The following FRMD3 variants were observed in gnomAD, a reference collection of about 807,000 sequenced individuals.
FRMD3 encodes the protein FERM domain-containing protein 3.
Under a neutral mutation model 70.2 loss-of-function variants are expected in FRMD3, and 33 were observed. The observed-to-expected ratio is 0.47, with a 90% CI of 0.36 to 0.63. The LOEUF is 0.63. Ranked by LOEUF, FRMD3 falls within the 20% of genes least tolerant of loss-of-function variation. The probability of loss-of-function intolerance (pLI) is 0.00; values close to 1 mark genes in which losing one functional copy is unlikely to be tolerated. For missense variants in FRMD3, 632 were observed against 711.4 expected, an observed-to-expected ratio of 0.89 and a Z score of 1.27; for synonymous variants, 279 against 255.9, an observed-to-expected ratio of 1.09 and a Z score of -0.86.
chr9:83,465,383 A>G (rs941343321), intron 1 of FRMD3, among the ~76,000 whole-genome samples: 6 of 152,242 alleles, frequency 3.9e-5, no homozygotes, highest in Non-Finnish European at 7.4e-5. Context: ...TGAGCCCAGG[A>G]GTTTGAGACC....
chr9:83,574,924 T>C, the FRMD3 span, among the ~76,000 whole-genome samples: 3 of 152,184 alleles, frequency 2.0e-5, no homozygotes, highest in East Asian at 5.8e-4. Flanking sequence ...TGTGATTTTC[T>C]AGCCCAGTCT....
At chr9:83,380,537 C>T (rs1302935208) in intron 2 of FRMD3, among the ~76,000 whole-genome samples, 1 of 152,090 alleles carries the variant, frequency 6.6e-6, no homozygotes, top group Admixed American at 6.5e-5. Flanking sequence ...CCTTATCATA[C>T]AAATGGTGCA....
intron 12 of FRMD3, among the ~76,000 whole-genome samples, chr9:83,292,199 C>G (rs1029156714): frequency 6.7e-6 from 1 of 148,764 alleles, no homozygotes; most frequent in South Asian, 2.1e-4. Context: ...CGCTCTGTCA[C>G]CTAGGCTGGA....
chr9:83,438,775 C>T (rs1346468363), intron 1 of FRMD3, among the ~76,000 whole-genome samples: 5 of 152,200 alleles, frequency 3.3e-5, no homozygotes, highest in African/African-American at 1.2e-4. Context: ...GCCAAACAAC[C>T]TCGCTGGGTG....
intron 13 of FRMD3, 60 bp from the exon 14 acceptor site, chr9:83,248,576 C>G (rs1474581945): frequency 3.3e-6 from 5 of 1,492,588 alleles, no homozygotes; most frequent in Admixed American, 4.6e-5. Context: ...CAAAAATCTG[C>G]AGGAAGAAAC....
intron 6 of FRMD3, among the ~76,000 whole-genome samples, chr9:83,333,333 T>A (rs904725091): frequency 3.9e-5 from 6 of 152,176 alleles, no homozygotes; most frequent in African/African-American, 1.4e-4. Flanking sequence ...ACATGTGCCA[T>A]AGAATGGCAG....
downstream of FRMD3, chr9:83,243,298 A>G: frequency 2.9e-6 from 4 of 1,375,380 alleles, no homozygotes; most frequent in Non-Finnish European, 4.0e-6. Context: ...AGCGACCTTC[A>G]GCACATTGTC....
chr9:83,517,204 A>T (rs551895462), intron 1 of FRMD3, among the ~76,000 whole-genome samples: 1 of 152,302 alleles, frequency 6.6e-6, no homozygotes, highest in East Asian at 1.9e-4. Context: ...GGAAAGATCA[A>T]CAAAATAGAT....
chr9:83,469,700 A>G (rs1828219967), intron 1 of FRMD3, among the ~76,000 whole-genome samples: 1 of 152,194 alleles, frequency 6.6e-6, no homozygotes, highest in African/African-American at 2.4e-5. Flanking sequence ...AAAAAAACAC[A>G]TTAAACTGGA....
rs182794938 is a variant in FRMD3, at chr9:83,278,886, T to A, written c.1195+11717A>T. ...ACAGAGAGAGCAAACTAAGGGCCCATCCAAAGGGCTGGGCTTGGGCTTCTC... is the reference window on the plus strand; with the variant it reads ...ACAGAGAGAGCAAACTAAGGGCCCAACCAAAGGGCTGGGCTTGGGCTTCTC... On this transcript the variant is annotated intron_variant, in intron 13 of 13. Coordinates refer to ENST00000304195, the MANE Select transcript of FRMD3 (RefSeq NM_174938.6). 4.3e-4 allele frequency among the ~76,000 whole-genome samples: 65 copies of A among 152,122 alleles called. 1 individual carries two copies. The highest frequency in any genetic ancestry group is 1.5e-4 in the Non-Finnish European group (10 of 67,984).
In FRMD3 at chr9:83,371,767, C is replaced by T. The variant is rs143600726; in HGVS notation, c.295+1146G>A. On this transcript the variant is annotated intron_variant, in intron 3 of 13. Coordinates refer to ENST00000304195, the MANE Select transcript of FRMD3 (RefSeq NM_174938.6). ...CTGCACTTGTGCAATCTGAACCATC[C>T]TTCCTCACTAACCAGACAGAGTTTG... Among the ~76,000 whole-genome samples the T allele has an allele frequency of 2.6e-3, 393 of 152,270 alleles. 1 individual carries two copies. The highest frequency in any genetic ancestry group is 8.0e-3 in the Admixed American group (123 of 15,304).
chr9:83,290,834 T>TC, intron 12 of FRMD3, 107 bp from the exon 13 acceptor site: 1 of 1,158,668 alleles, frequency 8.6e-7, no homozygotes, highest in South Asian at 1.5e-5. Flanking sequence ...GGGAACTACC[T>TC]CCAGACACAG....
the FRMD3 span, among the ~76,000 whole-genome samples, chr9:83,585,226 A>G: frequency 6.6e-6 from 1 of 152,126 alleles, no homozygotes; most frequent in African/African-American, 2.4e-5. Context: ...CTCATTCCAT[A>G]TGAAATGGAG....
At chr9:83,502,306 CATTCTA>C (rs1829087007) in intron 1 of FRMD3, among the ~76,000 whole-genome samples, 1 of 152,146 alleles carries the variant, frequency 6.6e-6, no homozygotes, top group South Asian at 2.1e-4. Flanking sequence ...ATGGAGGGTA[CATTCTA>C]AAGGCATGTT....
intron 6 of FRMD3, among the ~76,000 whole-genome samples, chr9:83,316,765 G>A (rs1835595103): frequency 6.6e-6 from 1 of 152,094 alleles, no homozygotes; most frequent in African/African-American, 2.4e-5. Context: ...AATGGACTCA[G>A]GAAAATTAAC....
chr9:83,300,247 G>A (rs766885630), intron 10 of FRMD3, among the ~76,000 whole-genome samples: 2 of 152,204 alleles, frequency 1.3e-5, no homozygotes, highest in African/African-American at 4.8e-5. Flanking sequence ...ACACATGGCT[G>A]ATCTAGCCTG....
At chr9:83,490,119 C>T (rs9314720) in intron 1 of FRMD3, among the ~76,000 whole-genome samples, 2,234 of 152,258 alleles carry the variant, frequency 0.015, 53 homozygotes, top group African/African-American at 0.051. Context: ...TCATTACAGG[C>T]ACTTTCCCAT....
chr9:83,478,651 T>C (rs5014091), intron 1 of FRMD3, among the ~76,000 whole-genome samples: 65,273 of 151,740 alleles, frequency 0.43, 14,139 homozygotes, highest in Middle Eastern at 0.46. Context: ...CTTCAGGGTA[T>C]ATGCCCAAAA....
intron 1 of FRMD3, among the ~76,000 whole-genome samples, chr9:83,512,465 A>G (rs1829359352): frequency 6.6e-6 from 1 of 152,250 alleles, no homozygotes; most frequent in Non-Finnish European, 1.5e-5. Context: ...GAAGACTCAC[A>G]TAGTGTGTGT....
Sources: gnomAD v4.1 joint callset for allele counts (sites outside exome capture counted in the v4.1 genomes callset) on GRCh38, gnomAD v4.1.1 for gene constraint, MANE v1.5 for transcripts, NCBI Gene and HGNC (gene_info 2026-07-23, HGNC 2026-07-21) for gene names.